ROBO2: variants seen among roughly 807,000 people sequenced by gnomAD.
ROBO2 encodes the protein roundabout guidance receptor 2, also known as roundabout homolog 2.
Under a neutral mutation model 160.8 loss-of-function variants are expected in ROBO2, and 53 were observed. The ratio of observed to expected loss-of-function variants is 0.33; its 90% CI spans 0.26 to 0.41. The LOEUF is 0.41. Ranked by LOEUF, ROBO2 falls within the 10% of genes least tolerant of loss-of-function variation. The pLI is 1.00. For missense variants in ROBO2, 1,577 were observed against 1,722.4 expected (o/e 0.92, Z 1.49); for synonymous variants, 664 against 611.7 (o/e 1.09, Z -1.26).
chr3:77,218,214 C>T (rs1250289666), intron 2 of ROBO2, among the ~76,000 whole-genome samples: 1 of 152,068 alleles, frequency 6.6e-6, no homozygotes, highest in Non-Finnish European at 1.5e-5. Context: ...GCAAATTCTT[C>T]AAACTCTGTA....
At chr3:77,214,050 A>G (rs2084570404) in intron 2 of ROBO2, among the ~76,000 whole-genome samples, 1 of 152,130 alleles carries the variant, frequency 6.6e-6, no homozygotes, top group Non-Finnish European at 1.5e-5. Context: ...AAGAATGTAT[A>G]TTCTGTTGAT....
At chr3:77,290,015 G>A (rs1303215806) in intron 2 of ROBO2, among the ~76,000 whole-genome samples, 1 of 151,126 alleles carries the variant, frequency 6.6e-6, no homozygotes, top group Non-Finnish European at 1.5e-5. Flanking sequence ...GATCCCTAAA[G>A]ACATAAAGTA....
chr3:76,910,589 G>A (rs1050331015), intron 2 of ROBO2, among the ~76,000 whole-genome samples: 1 of 151,684 alleles, frequency 6.6e-6, no homozygotes, highest in African/African-American at 2.4e-5. Flanking sequence ...AGCTGGGCGT[G>A]GTGGCATGCA....
intron 2 of ROBO2, among the ~76,000 whole-genome samples, chr3:77,325,513 G>T (rs2065287340): frequency 6.6e-6 from 1 of 152,200 alleles, no homozygotes; most frequent in Admixed American, 6.5e-5. Flanking sequence ...TAGTAGCACT[G>T]ACATTGACTG....
At chr3:77,052,222 T>C (rs2149700516) in intron 1 of ROBO2, among the ~76,000 whole-genome samples, 1 of 152,296 alleles carries the variant, frequency 6.6e-6, no homozygotes, top group East Asian at 1.9e-4. Context: ...GTCTCCAATA[T>C]GTCCACTTTG....
chr3:77,389,240 G>GGCCTTATTT (rs1307887761), intron 2 of ROBO2, among the ~76,000 whole-genome samples: 2 of 152,144 alleles, frequency 1.3e-5, no homozygotes, highest in African/African-American at 4.8e-5. Context: ...CACCACGCCA[G>GGCCTTATTT]GCCTTATTTA....
intron 2 of ROBO2, among the ~76,000 whole-genome samples, chr3:76,691,646 A>C (rs115891349): frequency 2.2e-3 from 338 of 152,262 alleles, no homozygotes; most frequent in African/African-American, 7.8e-3. Context: ...GATACAATCC[A>C]AGGCATGGAC....
At chr3:75,999,838 A>C (rs2065832792) in intron 2 of ROBO2, among the ~76,000 whole-genome samples, 1 of 152,228 alleles carries the variant, frequency 6.6e-6, no homozygotes, top group Non-Finnish European at 1.5e-5. Flanking sequence ...AGTTTGGGAC[A>C]GAAAGACCTT....
At chr3:76,890,462 G>A (rs1038801174) in intron 2 of ROBO2, among the ~76,000 whole-genome samples, 1 of 152,090 alleles carries the variant, frequency 6.6e-6, no homozygotes, top group Non-Finnish European at 1.5e-5. Context: ...TATCAAGGGT[G>A]TTCTACCTCT....
chr3:77,010,853 T>TCTCCCTCCCTCCCTCCCTACCTTCCTTC (rs1162529987), intron 2 of ROBO2, among the ~76,000 whole-genome samples: 1 of 93,502 alleles, frequency 1.1e-5, no homozygotes, highest in Non-Finnish European at 2.1e-5. Flanking sequence ...TCCCTCCCTC[T>TCTCCCTCCCTCCCTCCCTACCTTCCTTC]CTCCCTCCCT....
intron 2 of ROBO2, among the ~76,000 whole-genome samples, chr3:76,885,054 A>G (rs1488578160): frequency 6.6e-6 from 1 of 152,162 alleles, no homozygotes; most frequent in East Asian, 1.9e-4. Context: ...AAAAGCAAAA[A>G]TGATAGAAGG....
At chr3:77,555,722 A>G (rs554881596) in intron 8 of ROBO2, among the ~76,000 whole-genome samples, 2 of 152,096 alleles carry the variant, frequency 1.3e-5, no homozygotes, top group Admixed American at 6.6e-5. Flanking sequence ...ATGATCTTAT[A>G]TGAATGGTTT....
At chr3:76,145,622 G>A (rs760855078) in intron 2 of ROBO2, among the ~76,000 whole-genome samples, 3 of 151,946 alleles carry the variant, frequency 2.0e-5, no homozygotes, top group Non-Finnish European at 4.4e-5. Flanking sequence ...CTATGTATAT[G>A]AGAGAGATAC....
chr3:77,394,741 G>A (rs530897215), intron 2 of ROBO2, among the ~76,000 whole-genome samples: 6 of 148,872 alleles, frequency 4.0e-5, no homozygotes, highest in South Asian at 4.2e-4. Flanking sequence ...TGTTAATGCT[G>A]TAATAATTGT....
At chr3:76,754,678 A>G (rs1287533346) in intron 2 of ROBO2, among the ~76,000 whole-genome samples, 1 of 151,874 alleles carries the variant, frequency 6.6e-6, no homozygotes, top group Non-Finnish European at 1.5e-5. Context: ...TGGACAAGAC[A>G]TCCCTATCAA....
rs71101892 is a variant in ROBO2 at position 76,498,683 on chromosome 3, C to CTTT, written c.109+561096_109+561098dup. On this transcript the variant is annotated intron_variant, in intron 2 of 26. Transcript: ENST00000487694. ...CATCTGCTTCTTCTTAGTTTGTCTG[C>CTTT]TTTTTTTTTTTTTTTTTGAGACAGA... is the stretch of plus-strand genomic sequence containing the variant. Among the ~76,000 whole-genome samples, 1,272 of 130,818 alleles carry CTTT rather than the reference C, an allele frequency of 9.7e-3. 37 individuals are homozygous for CTTT. The highest frequency in any genetic ancestry group is 0.032 in the African/African-American group (1,138 of 35,150). 85.8% of individuals were successfully genotyped at this position (130,818 alleles called of 152,430 possible). A position where few individuals can be genotyped will look rare whatever the true frequency, so the allele number is the denominator to read the frequency against.
At chr3:77,213,133 A>G (rs1249395670) in intron 2 of ROBO2, among the ~76,000 whole-genome samples, 1 of 152,160 alleles carries the variant, frequency 6.6e-6, no homozygotes, top group African/African-American at 2.4e-5. Flanking sequence ...GTTGATTGGA[A>G]TAGTTTCAGA....
At chr3:76,903,351 C>A (rs1293327719) in intron 2 of ROBO2, among the ~76,000 whole-genome samples, 1 of 152,112 alleles carries the variant, frequency 6.6e-6, no homozygotes, top group African/African-American at 2.4e-5. Flanking sequence ...AATGCTCCAA[C>A]TTTACCCCTC....
At chr3:77,305,058 C>A (rs2062981335) in intron 2 of ROBO2, among the ~76,000 whole-genome samples, 1 of 152,240 alleles carries the variant, frequency 6.6e-6, no homozygotes, top group Admixed American at 6.5e-5. Context: ...TTTATTTGCT[C>A]AATAAGGACT....
Sources: allele counts gnomAD v4.1 joint callset (sites outside exome capture counted in the v4.1 genomes callset), GRCh38; gene constraint gnomAD v4.1.1; transcripts MANE v1.5; gene names NCBI Gene and HGNC (gene_info 2026-07-23, HGNC 2026-07-21).